The following ARHGAP22 variants were observed in gnomAD, a reference collection of about 807,000 sequenced individuals.
ARHGAP22 encodes rho GTPase-activating protein 22.
In ARHGAP22, 48 loss-of-function variants were observed where a neutral mutation model predicts 59.1. That is an observed-to-expected ratio of 0.81 (90% CI 0.64 to 1.03). The LOEUF (loss-of-function observed/expected upper bound fraction) is 1.03. ARHGAP22 is among the 50% of genes least tolerant of loss of function. The pLI, the probability that ARHGAP22 is intolerant of heterozygous loss-of-function variation, is 0.00. For synonymous variants in ARHGAP22, 445 were observed against 416.4 expected (o/e 1.07, Z -0.84); for missense variants, 1,015 against 958.7 (o/e 1.06, Z -0.78).
chr10:48,550,419 T>G (rs2056809791), intron 3 of ARHGAP22, among the ~76,000 whole-genome samples: 1 of 152,216 alleles, frequency 6.6e-6, no homozygotes, highest in Non-Finnish European at 1.5e-5. Context: ...CAGCCTTGCC[T>G]TCCTCCTGGA....
chr10:48,596,953 C>A (rs966567672), intron 1 of ARHGAP22, among the ~76,000 whole-genome samples: 9 of 152,170 alleles, frequency 5.9e-5, no homozygotes, highest in Non-Finnish European at 8.8e-5. Flanking sequence ...CACACCTCCA[C>A]CCCTGTATGT....
intron 2 of ARHGAP22, among the ~76,000 whole-genome samples, chr10:48,568,633 G>T (rs1421773584): frequency 6.6e-6 from 1 of 152,244 alleles, no homozygotes; most frequent in African/African-American, 2.4e-5. Context: ...GACTCAGGTG[G>T]ATATGGGCAT....
chr10:48,476,570 C>CCTGAGGAAA (rs1405882467), intron 4 of ARHGAP22, among the ~76,000 whole-genome samples: 2 of 152,258 alleles, frequency 1.3e-5, no homozygotes, highest in Admixed American at 6.5e-5. Context: ...CCAGACACGT[C>CCTGAGGAAA]TGGCATCGCT....
At chr10:48,602,297 G>C (rs1001005922) in intron 1 of ARHGAP22, among the ~76,000 whole-genome samples, 1 of 152,146 alleles carries the variant, frequency 6.6e-6, no homozygotes, top group African/African-American at 2.4e-5. Flanking sequence ...CCTGCTACAG[G>C]AGATGGTTAA....
intron 4 of ARHGAP22, among the ~76,000 whole-genome samples, chr10:48,464,399 T>C (rs1047956307): frequency 2.0e-5 from 3 of 152,186 alleles, no homozygotes; most frequent in Non-Finnish European, 4.4e-5. Flanking sequence ...AAAACAGGGA[T>C]GGAAGAGCCA....
intron 3 of ARHGAP22, among the ~76,000 whole-genome samples, chr10:48,529,787 A>C (rs116192191): frequency 0.01 from 1,544 of 152,334 alleles, 33 homozygotes; most frequent in African/African-American, 0.033. Context: ...TAGAGAACCC[A>C]AAAATAAAGC....
chr10:48,555,606 C>T, intron 2 of ARHGAP22, 56 bp from the exon 3 acceptor site: 5 of 1,558,482 alleles, frequency 3.2e-6, no homozygotes, highest in Non-Finnish European at 2.7e-6. Context: ...GAGGGGACTG[C>T]TGTCGTCAGG....
intron 3 of ARHGAP22, among the ~76,000 whole-genome samples, chr10:48,553,611 GATGTTGGGAGT>G (rs2057076515): frequency 6.6e-6 from 1 of 152,172 alleles, no homozygotes; most frequent in African/African-American, 2.4e-5. Context: ...ATCTTAGAGG[GATGTTGGGAGT>G]ATTGTGGGAG....
rs1589409940 is a variant in ARHGAP22 at position 48,450,483 on chromosome 10, A to G, written c.1646T>C (p.Leu549Pro). ...ARSSLHTDWA[L>P]EPSPLPSSSE... ...GCTGCTGGGGAGCGGGGAGGGCTCC[A>G]GGGCCCAGTCGGTGTGCAGGGAACT... The change falls in exon 9 of 10, where the codon CTG becomes CCG. Residue 549 changes from leucine (L) to proline (P), a missense_variant. Leu to Pro is a moderately conservative substitution (Grantham distance 98). Transcript: ENST00000249601. 1 of 1,536,362 alleles carries G rather than the reference A, an allele frequency of 6.5e-7. No homozygotes were observed. Among genetic ancestry groups the G allele is most frequent in the Non-Finnish European group, 8.8e-7 (1 of 1,140,184 alleles).
chr10:48,452,249 GGCCCGAC>G (rs1440020907), intron 8 of ARHGAP22, among the ~76,000 whole-genome samples: 1 of 152,142 alleles, frequency 6.6e-6, no homozygotes, highest in Non-Finnish European at 1.5e-5. Context: ...TCACCACAAA[GGCCCGAC>G]GCTAGGAGGT....
chr10:48,489,965 C>G (rs1271536107), intron 3 of ARHGAP22, among the ~76,000 whole-genome samples: 2 of 152,118 alleles, frequency 1.3e-5, no homozygotes, highest in African/African-American at 4.8e-5. Flanking sequence ...GATCTCCTGA[C>G]CTCGTGATCC....
chr10:48,575,733 C>T (rs1440941170), intron 2 of ARHGAP22: 1 of 152,222 alleles, frequency 6.6e-6, no homozygotes, highest in Non-Finnish European at 1.5e-5. Flanking sequence ...TCTTCTAGAA[C>T]ATAATGTTGC....
At chr10:48,647,214 T>C (rs974587592) in intron 1 of ARHGAP22, among the ~76,000 whole-genome samples, 1 of 151,964 alleles carries the variant, frequency 6.6e-6, no homozygotes, top group Non-Finnish European at 1.5e-5. Context: ...GCCAACATGG[T>C]GAAACCCTGT....
At chr10:48,498,630 A>T (rs962380343) in intron 3 of ARHGAP22, among the ~76,000 whole-genome samples, 3 of 152,200 alleles carry the variant, frequency 2.0e-5, no homozygotes, top group Non-Finnish European at 4.4e-5. Flanking sequence ...GATGCGCTAG[A>T]GCCAAAAGTA....
At chr10:48,533,167 C>T (rs1253138901) in intron 3 of ARHGAP22, among the ~76,000 whole-genome samples, 2 of 150,658 alleles carry the variant, frequency 1.3e-5, no homozygotes, top group Non-Finnish European at 1.5e-5. Flanking sequence ...ATTTTGCAGA[C>T]TCATTGTTCT....
At chr10:48,494,141 T>C (rs1814471) in intron 3 of ARHGAP22, among the ~76,000 whole-genome samples, 101,196 of 151,398 alleles carry the variant, frequency 0.67, 34,098 homozygotes, top group Middle Eastern at 0.84. Flanking sequence ...GGTAAGCACC[T>C]CCGTATCCTC....
chr10:48,648,353 G>T (rs1316756685), intron 1 of ARHGAP22, among the ~76,000 whole-genome samples: 1 of 152,134 alleles, frequency 6.6e-6, no homozygotes, highest in South Asian at 2.1e-4. Flanking sequence ...TGCACTTCCT[G>T]GGCCCCTTGC....
At chr10:48,549,675 G>T (rs143343309) in intron 3 of ARHGAP22, among the ~76,000 whole-genome samples, 2,223 of 152,188 alleles carry the variant, frequency 0.015, 181 homozygotes, top group Admixed American at 0.13. Context: ...ACATTATACG[G>T]TCCTCCTCCT....
At chr10:48,616,996 C>G (rs999127551) in intron 1 of ARHGAP22, among the ~76,000 whole-genome samples, 3 of 151,982 alleles carry the variant, frequency 2.0e-5, no homozygotes, top group Non-Finnish European at 2.9e-5. Context: ...TGTAAGACAA[C>G]AATTATAAAT....
Sources: allele counts gnomAD v4.1 joint callset (sites outside exome capture counted in the v4.1 genomes callset), GRCh38; gene constraint gnomAD v4.1.1; transcripts MANE v1.5; gene names NCBI Gene and HGNC (gene_info 2026-07-23, HGNC 2026-07-21).